Variants in ZNF385D observed in about 807,000 individuals in gnomAD.
ZNF385D encodes the protein zinc finger protein 659.
ZNF385D carries 15 observed loss-of-function variants against 35.8 expected under a neutral mutation model. The observed-to-expected ratio is 0.42, with a 90% CI of 0.28 to 0.64. ZNF385D has a LOEUF of 0.64. Ranked by LOEUF, ZNF385D falls within the 30% of genes least tolerant of loss-of-function variation. The pLI, the probability that ZNF385D is intolerant of heterozygous loss-of-function variation, is 0.23. For synonymous variants in ZNF385D, 212 were observed against 186.8 expected (o/e 1.13, Z -1.10); for missense variants, 474 against 494.6 (o/e 0.96, Z 0.39).
At chr3:21,656,202 CA>C (rs2125234673) in intron 2 of ZNF385D, among the ~76,000 whole-genome samples, 1 of 152,088 alleles carries the variant, frequency 6.6e-6, no homozygotes, top group Admixed American at 6.6e-5. Flanking sequence ...AGGAACATTG[CA>C]GAAGAAATTC....
chr3:22,181,697 C>CAA (rs71620745), intron 2 of ZNF385D, among the ~76,000 whole-genome samples: 20 of 83,666 alleles, frequency 2.4e-4, no homozygotes, highest in East Asian at 5.0e-4. Context: ...GACTCCGTCT[C>CAA]AAAAAAAAAA....
intron 3 of ZNF385D, among the ~76,000 whole-genome samples, chr3:21,915,262 G>T (rs1375654304): frequency 6.6e-6 from 1 of 152,048 alleles, no homozygotes; most frequent in Non-Finnish European, 1.5e-5. Context: ...GTATACTACA[G>T]AACTGCTGAC....
chr3:21,591,692 C>T (rs149331602), intron 2 of ZNF385D, among the ~76,000 whole-genome samples: 23 of 152,238 alleles, frequency 1.5e-4, no homozygotes, highest in South Asian at 1.5e-3. Context: ...GGAAGCACTC[C>T]GCTTCTGAAG....
At chr3:21,742,362 C>G (rs2069557636) in intron 1 of ZNF385D, among the ~76,000 whole-genome samples, 1 of 152,200 alleles carries the variant, frequency 6.6e-6, no homozygotes, top group Admixed American at 6.5e-5. Context: ...CAACCAAACT[C>G]TTACTGATAC....
intron 2 of ZNF385D, among the ~76,000 whole-genome samples, chr3:21,605,582 G>T (rs1393734825): frequency 6.6e-6 from 1 of 152,120 alleles, no homozygotes; most frequent in Non-Finnish European, 1.5e-5. Flanking sequence ...TAACTAAAAG[G>T]GATCTCTGCC....
chr3:21,829,795 T>C (rs879379458), intron 3 of ZNF385D, among the ~76,000 whole-genome samples: 1 of 151,768 alleles, frequency 6.6e-6, no homozygotes, highest in Admixed American at 6.6e-5. Context: ...TTACTTTCAA[T>C]GGCAAAAGCT....
intron 3 of ZNF385D, among the ~76,000 whole-genome samples, chr3:22,151,536 C>A (rs940907078): frequency 6.6e-6 from 1 of 152,044 alleles, no homozygotes; most frequent in Non-Finnish European, 1.5e-5. Flanking sequence ...TTAGGGTTCT[C>A]CAGACAAACA....
intron 3 of ZNF385D, among the ~76,000 whole-genome samples, chr3:21,772,065 T>TA (rs1244807736): frequency 6.6e-6 from 1 of 151,846 alleles, no homozygotes. Flanking sequence ...TAAAACCATG[T>TA]AAAAAATTAA....
At chr3:21,778,835 G>GA (rs1276484172) in intron 3 of ZNF385D, among the ~76,000 whole-genome samples, 5 of 151,992 alleles carry the variant, frequency 3.3e-5, no homozygotes, top group African/African-American at 9.6e-5. Flanking sequence ...AAAATATTGT[G>GA]ATGAAAAGAC....
intron 3 of ZNF385D, among the ~76,000 whole-genome samples, chr3:21,996,306 A>G (rs773641878): frequency 4.6e-5 from 7 of 152,016 alleles, no homozygotes; most frequent in Non-Finnish European, 7.4e-5. Context: ...GGTATACTTC[A>G]TTTACCTTTT....
At chr3:21,843,600 G>C (rs576631751) in intron 3 of ZNF385D, among the ~76,000 whole-genome samples, 1 of 151,840 alleles carries the variant, frequency 6.6e-6, no homozygotes, top group Non-Finnish European at 1.5e-5. Flanking sequence ...TTAAAATATA[G>C]AGGATACTGT....
rs1700593788 is a variant in ZNF385D at position 21,418,158 on chromosome 3, A to C, written c.*3056T>G. On this transcript the variant is annotated 3_prime_UTR_variant, in exon 8 of 8. Coordinates refer to ENST00000281523, the MANE Select transcript of ZNF385D (RefSeq NM_024697.3). ...CTGCAATGCATTTATATTTGTTTCA[A>C]ATGAATCAGAGCTGCTTTCTCTATC... The C allele has an allele frequency of 6.6e-6, 1 of 152,122 alleles. No homozygotes were observed. Among genetic ancestry groups the C allele is most frequent in the Admixed American group, 6.6e-5 (1 of 15,256 alleles). The allele number at this position is 152,122 out of a possible 1,614,324, so 9.4% of individuals were successfully genotyped here. A position where few individuals can be genotyped will look rare whatever the true frequency, so the allele number is the denominator to read the frequency against.
intron 2 of ZNF385D, among the ~76,000 whole-genome samples, chr3:21,596,478 A>T (rs1373641075): frequency 6.6e-6 from 1 of 151,910 alleles, no homozygotes; most frequent in Non-Finnish European, 1.5e-5. Context: ...TTTTGAGGTG[A>T]TGTTATGAGG....
At chr3:22,049,436 T>C (rs1699211493) in intron 3 of ZNF385D, among the ~76,000 whole-genome samples, 1 of 152,128 alleles carries the variant, frequency 6.6e-6, no homozygotes, top group Admixed American at 6.5e-5. Flanking sequence ...GGATTCTTTG[T>C]GTGCAAATAA....
chr3:21,609,698 T>C (rs1051784888), intron 2 of ZNF385D, among the ~76,000 whole-genome samples: 9 of 152,178 alleles, frequency 5.9e-5, no homozygotes, highest in African/African-American at 1.2e-4. Context: ...CAGAACCTAA[T>C]GGGGCCAATA....
intron 2 of ZNF385D, among the ~76,000 whole-genome samples, chr3:22,262,716 G>C (rs911317912): frequency 3.3e-5 from 5 of 151,546 alleles, no homozygotes; most frequent in African/African-American, 7.3e-5. Context: ...AATAAAAGTT[G>C]GTTGTACCAA....
chr3:22,358,511 A>G (rs908728470), intron 2 of ZNF385D, among the ~76,000 whole-genome samples: 1 of 151,812 alleles, frequency 6.6e-6, no homozygotes, highest in Admixed American at 6.6e-5. Flanking sequence ...TGAAGTTTTA[A>G]GAGAGAGGAT....
intron 1 of ZNF385D, among the ~76,000 whole-genome samples, chr3:21,687,897 A>C (rs913863911): frequency 6.6e-6 from 1 of 152,126 alleles, no homozygotes; most frequent in Non-Finnish European, 1.5e-5. Context: ...ATGTAAACAA[A>C]ATCTGTTTTT....
intron 3 of ZNF385D, among the ~76,000 whole-genome samples, chr3:22,066,899 T>C (rs1699990550): frequency 6.6e-6 from 1 of 152,298 alleles, no homozygotes; most frequent in Non-Finnish European, 1.5e-5. Context: ...GAATGCTTCA[T>C]CAAAATCAAT....
Sources: gnomAD v4.1 joint callset for allele counts (sites outside exome capture counted in the v4.1 genomes callset) on GRCh38, gnomAD v4.1.1 for gene constraint, MANE v1.5 for transcripts, NCBI Gene and HGNC (gene_info 2026-07-23, HGNC 2026-07-21) for gene names.